The following PSMG2 variants were observed in gnomAD, a reference collection of about 807,000 sequenced individuals.
PSMG2 encodes CD40 ligand-activated specific transcript 3.
Under a neutral mutation model 31.5 loss-of-function variants are expected in PSMG2, and 21 were observed. That is an observed-to-expected ratio of 0.67 (90% CI 0.47 to 0.96). The LOEUF (loss-of-function observed/expected upper bound fraction) is 0.96. Among genes scored for constraint, PSMG2 ranks in the 40% least tolerant of loss-of-function variants. The pLI is 0.00. For missense variants in PSMG2, 318 were observed against 321.2 expected (o/e 0.99, Z 0.08); for synonymous variants, 120 against 110.4 (o/e 1.09, Z -0.54).
At chr18:12,700,361 T>C (rs1276367308), upstream of PSMG2, 1 of 152,698 alleles carries the variant, frequency 6.5e-6, no homozygotes, top group African/African-American at 2.4e-5. Flanking sequence ...TATTCCCTAT[T>C]GTATTATGAA....
At chr18:12,695,349 T>A in intron 1 of PSMG2, 1 of 1,445,358 alleles carries the variant, frequency 6.9e-7, no homozygotes, top group Non-Finnish European at 9.6e-7. Context: ...TTTGATTCTG[T>A]GCCTATAAAC....
chr18:12,688,667 G>T (rs1191372424), intron 1 of PSMG2, among the ~76,000 whole-genome samples: 2 of 152,164 alleles, frequency 1.3e-5, no homozygotes, highest in African/African-American at 2.4e-5. Context: ...GCACTGTCCA[G>T]TGAGAAAATC....
chr18:12,698,372 T>A (rs904945881), upstream of PSMG2, among the ~76,000 whole-genome samples: 1 of 152,162 alleles, frequency 6.6e-6, no homozygotes. Flanking sequence ...TTTCGACATG[T>A]TGGCTAGGCT....
chr18:12,669,392 A>C (rs942357439), intron 1 of PSMG2, among the ~76,000 whole-genome samples: 2 of 151,884 alleles, frequency 1.3e-5, no homozygotes, highest in Admixed American at 6.6e-5. Context: ...GATTACAGGC[A>C]TGAGCCACCG....
chr18:12,676,476 C>T (rs534907306), intron 1 of PSMG2, among the ~76,000 whole-genome samples: 3 of 151,210 alleles, frequency 2.0e-5, no homozygotes, highest in East Asian at 3.9e-4. Context: ...GGTCTCACCA[C>T]GTTGCCCAGG....
chr18:12,691,589 A>C, intron 1 of PSMG2: 1 of 762,296 alleles, frequency 1.3e-6, no homozygotes, highest in Non-Finnish European at 2.0e-6. Flanking sequence ...TACCACCCTA[A>C]TCTGAGTCAT....
At chr18:12,688,654 T>G (rs1247998125) in intron 1 of PSMG2, among the ~76,000 whole-genome samples, 1 of 152,208 alleles carries the variant, frequency 6.6e-6, no homozygotes, top group Non-Finnish European at 1.5e-5. Flanking sequence ...AACCTCTGAA[T>G]GGGCACTGTC....
chr18:12,701,231 G>A (rs898804986), upstream of PSMG2: 3 of 694,766 alleles, frequency 4.3e-6, no homozygotes, highest in Admixed American at 2.8e-5. Context: ...AATTGAATGG[G>A]AACAAAGGTA....
intron 1 of PSMG2, among the ~76,000 whole-genome samples, chr18:12,669,733 G>A (rs968819187): frequency 6.6e-6 from 1 of 152,088 alleles, no homozygotes; most frequent in Non-Finnish European, 1.5e-5. Context: ...AGGCATGGTG[G>A]CTCACGCCTG....
At chr18:12,705,990 A>G (rs945749463) in intron 1 of PSMG2, among the ~76,000 whole-genome samples, 3 of 152,196 alleles carry the variant, frequency 2.0e-5, no homozygotes, top group Admixed American at 6.5e-5. Flanking sequence ...TTGTTGGTTT[A>G]TTTTACTGCA....
intron 1 of PSMG2, among the ~76,000 whole-genome samples, chr18:12,663,690 G>C (rs1450436664): frequency 6.6e-6 from 1 of 152,160 alleles, no homozygotes; most frequent in Non-Finnish European, 1.5e-5. Context: ...AAAATTTTCA[G>C]ACTGAATCAC....
intron 1 of PSMG2, among the ~76,000 whole-genome samples, chr18:12,683,116 C>A (rs111543105): frequency 0.014 from 2,092 of 146,944 alleles, 57 homozygotes; most frequent in African/African-American, 0.05. Context: ...GAGGCTGAAG[C>A]GGGCAGATCA....
rs1186527198 is a variant in PSMG2, at chr18:12,718,575, C to T, written c.347C>T (p.Ala116Val). Residue 116 changes from alanine to valine, a missense_variant, in exon 4 of 7, where the codon GCC becomes GTC. Transcript: ENST00000317615. ...LLSWVKSSGC[A>V]RVIVLSSSHS... ...TCCTGGGTGAAAAGCAGTGGCTGTGCCAGAGTCATTGTTCTTTCAAGCAGT... is the reference window on the plus strand; with the variant it reads ...TCCTGGGTGAAAAGCAGTGGCTGTGTCAGAGTCATTGTTCTTTCAAGCAGT... 1.2e-6 allele frequency: 2 copies of T among 1,612,022 alleles called. No individual in the cohort carries two copies. The highest frequency in any genetic ancestry group is 2.2e-5 in the South Asian group (2 of 90,814).
In PSMG2 at chr18:12,682,097, T is replaced by C. The variant is rs188566143; in HGVS notation, c.-37+23324T>C. Among the ~76,000 whole-genome samples, 280 of 152,268 alleles carry C rather than the reference T, an allele frequency of 1.8e-3. 1 individual carries two copies. The highest frequency in any genetic ancestry group is 6.2e-3 in the African/African-American group (257 of 41,560). On this transcript the variant is annotated intron_variant, in intron 1 of 6. Coordinates refer to the PSMG2 transcript ENST00000585331. ...CTATGGTTACAATTTCGTATTTAAGTGTAGGAAGACTACACGCGAAAGCAA... is the reference window on the plus strand; with the variant it reads ...CTATGGTTACAATTTCGTATTTAAGCGTAGGAAGACTACACGCGAAAGCAA...
chr18:12,662,258 C>G lies in PSMG2; in HGVS notation c.-37+3485C>G, dbSNP rs551824344. ...TTTTCATTGCCCACAATTGTAATAC[C>G]TTATACATCTGTAGTGCTATTTATA... On this transcript the variant is annotated intron_variant, in intron 1 of 6. Transcript: ENST00000585331. 1,753 of 427,672 alleles carry G rather than the reference C, an allele frequency of 4.1e-3. 26 individuals are homozygous for G. Among genetic ancestry groups the G allele is most frequent in the South Asian group, 0.015 (880 of 58,792 alleles). The allele number at this position is 427,672 out of a possible 1,614,324, so 26.5% of individuals were successfully genotyped here.
intron 6 of PSMG2, 78 bp from the exon 7 acceptor site, chr18:12,725,361 G>T (rs759068195): frequency 8.6e-7 from 1 of 1,157,326 alleles, no homozygotes; most frequent in Non-Finnish European, 1.2e-6. Flanking sequence ...AACACAAAAG[G>T]AGAGTTTTAT....
chr18:12,687,049 T>C (rs956696695), intron 1 of PSMG2, among the ~76,000 whole-genome samples: 3 of 152,216 alleles, frequency 2.0e-5, no homozygotes, highest in Non-Finnish European at 4.4e-5. Context: ...GAATAACTTG[T>C]ATGCATATAT....
At chr18:12,716,905 T>G (rs2040381564) in intron 3 of PSMG2, among the ~76,000 whole-genome samples, 1 of 151,512 alleles carries the variant, frequency 6.6e-6, no homozygotes, top group South Asian at 2.1e-4. Context: ...ACCAGCACTC[T>G]AACCCAGGCA....
intron 1 of PSMG2, among the ~76,000 whole-genome samples, chr18:12,681,758 A>G (rs1312231558): frequency 6.6e-6 from 1 of 152,194 alleles, no homozygotes; most frequent in Admixed American, 6.5e-5. Context: ...GAGGTTATAT[A>G]TAATTTTCCA....
Sources: allele counts gnomAD v4.1 joint callset (sites outside exome capture counted in the v4.1 genomes callset), GRCh38; gene constraint gnomAD v4.1.1; transcripts MANE v1.5; gene names NCBI Gene and HGNC (gene_info 2026-07-23, HGNC 2026-07-21).